Variants in DOCK1 observed in about 807,000 individuals in gnomAD.
DOCK1 encodes the protein dedicator of cytokinesis 1.
In DOCK1, 138 loss-of-function variants were observed where a neutral mutation model predicts 262.7. The observed-to-expected ratio is 0.53, with a 90% CI of 0.46 to 0.61. DOCK1 has a LOEUF of 0.61. Ranked by LOEUF, DOCK1 falls within the 20% of genes least tolerant of loss-of-function variation. DOCK1 has a pLI of 0.00. For missense variants in DOCK1, 1,908 were observed against 2,370.7 expected (o/e 0.80, Z 4.05); for synonymous variants, 866 against 867.4 (o/e 1.00, Z 0.03).
At chr10:127,029,969 A>C (rs1375351340) in intron 16 of DOCK1, among the ~76,000 whole-genome samples, 1 of 151,986 alleles carries the variant, frequency 6.6e-6, no homozygotes. Context: ...CCTTTTACAG[A>C]GTTATTTTTT....
At chr10:127,388,031 T>C (rs4271306) in intron 38 of DOCK1, among the ~76,000 whole-genome samples, 75,323 of 152,054 alleles carry the variant, frequency 0.5, 19,194 homozygotes, top group African/African-American at 0.6. Context: ...GAAGGTGCTG[T>C]TAACCCTCCA....
chr10:127,371,625 G>A (rs555000883), intron 33 of DOCK1, among the ~76,000 whole-genome samples: 60 of 152,154 alleles, frequency 3.9e-4, no homozygotes, highest in Non-Finnish European at 7.8e-4. Flanking sequence ...CTTGTTGTCT[G>A]TACTCATTAA....
chr10:127,259,275 C>T (rs184679067), intron 29 of DOCK1, among the ~76,000 whole-genome samples: 60 of 152,350 alleles, frequency 3.9e-4, no homozygotes, highest in Admixed American at 6.5e-4. Context: ...CTCAGCTTCT[C>T]AGTCGTCATC....
Position 127,012,950 on chromosome 10 carries a change from C to T in DOCK1, c.1201+576C>T, listed in dbSNP as rs1236366508. Reference sequence around the variant, plus strand: ...ACAACTGTGACTGAGGCCCCGCCTCCAGCCCAAGGGGAAGTCACCTTCAGA... The same window carrying T: ...ACAACTGTGACTGAGGCCCCGCCTCTAGCCCAAGGGGAAGTCACCTTCAGA... On this transcript the variant is annotated intron_variant, in intron 12 of 51. Coordinates refer to ENST00000623213, the MANE Select transcript of DOCK1 (RefSeq NM_001290223.2). The surrounding 1 kb of genome is among the most constrained non-coding windows in gnomAD (Gnocchi z 4.0). 6.6e-6 allele frequency among the ~76,000 whole-genome samples: 1 copy of T among 152,226 alleles called. No homozygotes were observed. The highest frequency in any genetic ancestry group is 1.5e-5 in the Non-Finnish European group (1 of 68,050).
chr10:127,012,169 C>A lies in DOCK1; in HGVS notation c.1059-63C>A. On this transcript the variant is annotated intron_variant, in intron 11 of 51. Transcript: ENST00000623213. This position sits in a 1 kb window ranked among gnomAD's most constrained non-coding sequence, Gnocchi z 4.0. ...ATGATCTCTTATGTTCCCTTGTTACCGTGGCCCATGGGTCTCTGTGCCCCT... is the reference window on the plus strand; with the variant it reads ...ATGATCTCTTATGTTCCCTTGTTACAGTGGCCCATGGGTCTCTGTGCCCCT... 1.2e-6 allele frequency: 1 copy of A among 837,268 alleles called. No homozygotes were observed. The highest frequency in any genetic ancestry group is 2.0e-6 in the Non-Finnish European group (1 of 488,430). The allele number at this position is 837,268 out of a possible 1,614,324, so 51.9% of individuals were successfully genotyped here.
chr10:127,075,684 A>G (rs1342233206), intron 23 of DOCK1, among the ~76,000 whole-genome samples: 1 of 152,098 alleles, frequency 6.6e-6, no homozygotes, highest in African/African-American at 2.4e-5. Flanking sequence ...GAAGTGACAC[A>G]CACTTTAAAC....
intron 21 of DOCK1, among the ~76,000 whole-genome samples, 169 bp downstream of exon 21, chr10:127,043,333 C>G (rs893438536): frequency 6.6e-6 from 1 of 152,124 alleles, no homozygotes; most frequent in East Asian, 1.9e-4. Context: ...ACCTAAAAAC[C>G]TTGTTGAAAG....
chr10:127,409,345 G>C lies in DOCK1; in HGVS notation c.4297G>C (p.Asp1433His). The change falls in exon 42 of 52, where the codon GAT becomes CAT. Residue 1433 changes from aspartate to histidine, a missense_variant. Physicochemically the swap from Asp to His is moderately conservative, Grantham distance 81. Around this residue, in one of 9 missense-constraint regions of DOCK1, gnomAD observed 267 missense variants for 366.3 expected, o/e 0.73. Coordinates refer to ENST00000623213, the MANE Select transcript of DOCK1 (RefSeq NM_001290223.2). ...GTGCTTCACAGTGAAGCCCAAACTCGATCTGCCTCCTAAGTTTCACAGGCC... is the reference window on the plus strand; with the variant it reads ...GTGCTTCACAGTGAAGCCCAAACTCCATCTGCCTCCTAAGTTTCACAGGCC... ...IQCFTVKPKLDLPPKFHRPVS... is the reference protein window; with the variant it reads ...IQCFTVKPKLHLPPKFHRPVS... The C allele has an allele frequency of 6.2e-7, 1 of 1,613,936 alleles. No homozygotes were observed. Among genetic ancestry groups the C allele is most frequent in the Non-Finnish European group, 8.5e-7 (1 of 1,179,872 alleles).
intron 15 of DOCK1, among the ~76,000 whole-genome samples, chr10:127,025,448 G>A (rs1480907272): frequency 1.3e-5 from 2 of 152,022 alleles, no homozygotes; most frequent in Non-Finnish European, 2.9e-5. Flanking sequence ...AAGAAAAACG[G>A]CAACTTTTCT....
intron 29 of DOCK1, among the ~76,000 whole-genome samples, chr10:127,263,979 C>T (rs1240879556): frequency 1.3e-5 from 2 of 152,174 alleles, no homozygotes; most frequent in African/African-American, 4.8e-5. Context: ...ATCCCTTTGT[C>T]ACCTCGAAGA....
rs185589524 is a variant in DOCK1, at chr10:127,076,374, G to A, written c.2445+14598G>A. Among the ~76,000 whole-genome samples the A allele has an allele frequency of 3.7e-3, 561 of 152,284 alleles. 3 individuals are homozygous for A. The highest frequency in any genetic ancestry group is 5.9e-3 in the Non-Finnish European group (404 of 68,024). On this transcript the variant is annotated intron_variant, in intron 23 of 51. Coordinates refer to ENST00000623213, the MANE Select transcript of DOCK1 (RefSeq NM_001290223.2). ...AAATTAGCTAGGCGTGGTGGCTGGC[G>A]CCTGTAGTCCCTGCTAATCAGGAGA...
intron 18 of DOCK1, among the ~76,000 whole-genome samples, chr10:127,033,633 CTG>C (rs1354562865): frequency 6.6e-6 from 1 of 152,108 alleles, no homozygotes; most frequent in African/African-American, 2.4e-5. Flanking sequence ...AGTTGTGTCT[CTG>C]GGGGATTGTC....
chr10:126,952,492 GTAT>G (rs2036345131), intron 1 of DOCK1, among the ~76,000 whole-genome samples: 1 of 151,382 alleles, frequency 6.6e-6, no homozygotes, highest in Non-Finnish European at 1.5e-5. Flanking sequence ...TGTTGGTGAT[GTAT>G]TATTGGTAGT....
At chr10:127,177,497 T>TC (rs2055275447) in intron 27 of DOCK1, among the ~76,000 whole-genome samples, 1 of 152,200 alleles carries the variant, frequency 6.6e-6, no homozygotes, top group Admixed American at 6.5e-5. Context: ...CTTCGCCTTT[T>TC]CCCCCCTTGT....
At chr10:126,920,847 C>T (rs1354773864) in intron 1 of DOCK1, among the ~76,000 whole-genome samples, 1 of 152,178 alleles carries the variant, frequency 6.6e-6, no homozygotes, top group Non-Finnish European at 1.5e-5. Context: ...TAGCTGATCA[C>T]AACCAGTTAC....
intron 16 of DOCK1, 78 bp from the exon 17 acceptor site, chr10:127,031,572 C>A: frequency 3.6e-6 from 4 of 1,105,040 alleles, no homozygotes; most frequent in South Asian, 1.5e-5. Flanking sequence ...ATAAAGGTAG[C>A]CTTTGTAGCT....
intron 27 of DOCK1, among the ~76,000 whole-genome samples, chr10:127,202,323 CAA>C (rs201719816): frequency 1.3e-4 from 16 of 125,442 alleles, no homozygotes; most frequent in Admixed American, 1.6e-4. Context: ...ACTCTGTCTC[CAA>C]AAAAAAAAAA....
At chr10:127,318,918 G>T (rs1294598144) in intron 29 of DOCK1, among the ~76,000 whole-genome samples, 1 of 152,212 alleles carries the variant, frequency 6.6e-6, no homozygotes, top group Admixed American at 6.5e-5. Context: ...AGGGAGGTCT[G>T]GGAAAGGCTT....
chr10:127,138,781 A>T (rs1431439260), intron 27 of DOCK1, among the ~76,000 whole-genome samples: 4 of 152,220 alleles, frequency 2.6e-5, no homozygotes, highest in Non-Finnish European at 5.9e-5. Context: ...TTGCATTAGA[A>T]GATGGTGTTA....
Sources: gnomAD v4.1 joint callset for allele counts (sites outside exome capture counted in the v4.1 genomes callset) on GRCh38, gnomAD v4.1.1 for gene constraint, gnomAD v4.1.1 regional missense constraint, Gnocchi (gnomAD v3.1) non-coding constraint, MANE v1.5 for transcripts, NCBI Gene and HGNC (gene_info 2026-07-23, HGNC 2026-07-21) for gene names.